The following NFAT5 variants were observed in gnomAD, a reference collection of about 807,000 sequenced individuals.
The protein encoded by NFAT5 is nuclear factor of activated T cells 5, also known as nuclear factor of activated T-cells 5.
Under a neutral mutation model 166.5 loss-of-function variants are expected in NFAT5, and 31 were observed. That is an observed-to-expected ratio of 0.19 (90% CI 0.14 to 0.25). NFAT5 has a LOEUF of 0.25. Ranked by LOEUF, NFAT5 falls within the 10% of genes least tolerant of loss-of-function variation. The probability of loss-of-function intolerance (pLI) is 1.00; values close to 1 mark genes in which losing one functional copy is unlikely to be tolerated. For synonymous variants in NFAT5, 612 were observed against 639.7 expected (o/e 0.96, Z 0.65); for missense variants, 1,449 against 1,821.8 (o/e 0.80, Z 3.72).
intron 6 of NFAT5, among the ~76,000 whole-genome samples, chr16:69,658,483 CAAAA>C (rs34050479): frequency 3.3e-4 from 32 of 96,548 alleles, no homozygotes; most frequent in African/African-American, 1.2e-3. Context: ...AACTCTGTCT[CAAAA>C]AAAAAAAAAA....
intron 3 of NFAT5, among the ~76,000 whole-genome samples, chr16:69,642,188 T>C (rs1173291187): frequency 6.6e-6 from 1 of 152,210 alleles, no homozygotes; most frequent in Non-Finnish European, 1.5e-5. Context: ...TCATATTCCA[T>C]GTAGACATTA....
At chr16:69,572,004 C>T (rs926214801) in intron 2 of NFAT5, among the ~76,000 whole-genome samples, 28 of 151,998 alleles carry the variant, frequency 1.8e-4, no homozygotes, top group African/African-American at 6.8e-4. Context: ...TCTCGTGATC[C>T]GCCTGCGTCA....
At position 69,690,130 on chromosome 16, in the gene NFAT5, GAAGA is replaced by G. The variant is rs552902591; in HGVS notation, c.1775-803_1775-800del. On this transcript the variant is annotated intron_variant, in intron 11 of 14. Coordinates refer to ENST00000349945, the MANE Select transcript of NFAT5 (RefSeq NM_138713.4). ...ACTGCGGACTCAAGTAGACAAAAAA[GAAGA>G]AAGAAAAGCAATCAAGGGGGAAAGG... 1.7e-4 allele frequency among the ~76,000 whole-genome samples: 26 copies of G among 152,194 alleles called. 1 individual carries two copies. In the South Asian group the frequency reaches 5.0e-3, roughly 29 times the overall value.
At chr16:69,590,931 T>C (rs187494670) in intron 2 of NFAT5, among the ~76,000 whole-genome samples, 31 of 152,222 alleles carry the variant, frequency 2.0e-4, no homozygotes, top group Admixed American at 7.9e-4. Context: ...ATTTCCCAAA[T>C]TGTATTTTCT....
intron 7 of NFAT5, among the ~76,000 whole-genome samples, chr16:69,664,698 G>A (rs1319715353): frequency 6.6e-6 from 1 of 151,884 alleles, no homozygotes; most frequent in Non-Finnish European, 1.5e-5. Flanking sequence ...TTCCTTTCAA[G>A]TAATTTTTAA....
At chr16:69,686,592 G>A (rs376295880) in intron 11 of NFAT5, among the ~76,000 whole-genome samples, 12 of 152,194 alleles carry the variant, frequency 7.9e-5, no homozygotes, top group Admixed American at 5.9e-4. Context: ...GGCTGGGCAC[G>A]GTGGCTCACA....
At chr16:69,676,478 G>A (rs1457706934) in intron 9 of NFAT5, among the ~76,000 whole-genome samples, 1 of 152,164 alleles carries the variant, frequency 6.6e-6, no homozygotes, top group African/African-American at 2.4e-5. Context: ...TGTACAGAAT[G>A]TATGGTAACT....
intron 7 of NFAT5, among the ~76,000 whole-genome samples, chr16:69,667,521 G>A (rs1045955168): frequency 6.7e-6 from 1 of 149,814 alleles, no homozygotes; most frequent in African/African-American, 2.5e-5. Context: ...GAAAGTAACC[G>A]ACTAGTTCTT....
intron 7 of NFAT5, among the ~76,000 whole-genome samples, chr16:69,665,586 A>C (rs1251586907): frequency 1.2e-5 from 1 of 86,136 alleles, no homozygotes; most frequent in African/African-American, 5.8e-5. Flanking sequence ...CAAAGAGAAT[A>C]AAATACCTAG....
At chr16:69,610,802 C>T (rs2033671485) in intron 2 of NFAT5, among the ~76,000 whole-genome samples, 1 of 152,184 alleles carries the variant, frequency 6.6e-6, no homozygotes, top group African/African-American at 2.4e-5. Flanking sequence ...CTTAAAACTA[C>T]ATTCATTACA....
chr16:69,691,753 C>T lies in NFAT5; in HGVS notation c.1928C>T (p.Thr643Ile), dbSNP rs559423977. ...EKRSSTIFKT[T>I]KSVGSTQQTL... ...TTGGGGATTTTTATTTTTTAGACTA[C>T]AAAGTCTGTTGGATCAACTCAGCAA... is the stretch of plus-strand genomic sequence containing the variant. Residue 643 changes from threonine (T) to isoleucine (I), a missense_variant, in exon 13 of 15, where the codon ACA becomes ATA. Transcript: ENST00000349945. The T allele has an allele frequency of 1.1e-5, 18 of 1,602,984 alleles. No homozygotes were observed. The African/African-American group carries it at 2.2e-4, about 19-fold the overall frequency.
Position 69,670,301 on chromosome 16 carries a change from C to CT in NFAT5, c.1557+20dup, listed in dbSNP as rs3217435. ...ACTATTTCATCAGGTAAAATTTAAG[C>CT]TTTTTTTATAATTTGGTTATTTACT... On this transcript the variant is annotated intron_variant, in intron 9 of 14. Transcript: ENST00000349945. The CT allele has an allele frequency of 3.9e-6, 6 of 1,524,668 alleles. No individual in the cohort carries two copies. The highest frequency in any genetic ancestry group is 1.7e-4 in the Middle Eastern group (1 of 5,840). 94.4% of individuals were successfully genotyped at this position (1,524,668 alleles called of 1,614,324 possible). A position where few individuals can be genotyped will look rare whatever the true frequency, so the allele number is the denominator to read the frequency against.
chr16:69,682,637 A>T (rs2037119221), intron 10 of NFAT5, among the ~76,000 whole-genome samples: 1 of 152,142 alleles, frequency 6.6e-6, no homozygotes, highest in Admixed American at 6.5e-5. Context: ...AATAAGAAGA[A>T]TTTAAAAATA....
At chr16:69,677,464 G>A (rs2036873836) in intron 10 of NFAT5, 129 bp downstream of exon 10, 1 of 697,638 alleles carries the variant, frequency 1.4e-6, no homozygotes. Flanking sequence ...AGTTTCTTTT[G>A]GAAATGACAT....
chr16:69,599,442 T>G (rs1412706790), intron 2 of NFAT5, among the ~76,000 whole-genome samples: 1 of 152,158 alleles, frequency 6.6e-6, no homozygotes. Flanking sequence ...CTGGGCATGG[T>G]GGCGCGTGCC....
At chr16:69,664,159 C>T (rs770212427) in intron 7 of NFAT5, among the ~76,000 whole-genome samples, 1 of 152,166 alleles carries the variant, frequency 6.6e-6, no homozygotes, top group African/African-American at 2.4e-5. Flanking sequence ...AGGCTTTATA[C>T]TCTAAAATAT....
At chr16:69,602,830 C>T (rs1024840231) in intron 2 of NFAT5, among the ~76,000 whole-genome samples, 2 of 149,358 alleles carry the variant, frequency 1.3e-5, no homozygotes, top group Admixed American at 1.3e-4. Flanking sequence ...AGGTTAGTCT[C>T]GAACTCCTGA....
intron 6 of NFAT5, among the ~76,000 whole-genome samples, chr16:69,657,758 CAAA>C (rs1161075361): frequency 2.0e-5 from 1 of 51,262 alleles, no homozygotes; most frequent in Non-Finnish European, 3.8e-5. Flanking sequence ...GACTCCATCT[CAAA>C]AAAAAAAAAA....
intron 7 of NFAT5, among the ~76,000 whole-genome samples, chr16:69,669,662 TAAAAG>T (rs2036546348): frequency 6.6e-6 from 1 of 152,170 alleles, no homozygotes; most frequent in African/African-American, 2.4e-5. Flanking sequence ...ACACACAATT[TAAAAG>T]AAGACAACAA....
Sources: gnomAD v4.1 joint callset for allele counts (sites outside exome capture counted in the v4.1 genomes callset) on GRCh38, gnomAD v4.1.1 for gene constraint, MANE v1.5 for transcripts, NCBI Gene and HGNC (gene_info 2026-07-23, HGNC 2026-07-21) for gene names.